Variants in PCBP3 observed in about 807,000 individuals in gnomAD.
PCBP3 encodes poly(rC)-binding protein 3.
Under a neutral mutation model 52.7 loss-of-function variants are expected in PCBP3, and 25 were observed. That is an observed-to-expected ratio of 0.47 (90% CI 0.35 to 0.66). The LOEUF (loss-of-function observed/expected upper bound fraction) is 0.66, where lower values mean the gene tolerates loss of function less well. Ranked by LOEUF, PCBP3 falls within the 30% of genes least tolerant of loss-of-function variation. PCBP3 has a pLI of 0.01. For synonymous variants in PCBP3, 162 were observed against 183.0 expected (o/e 0.89, Z 0.93); for missense variants, 391 against 490.3 (o/e 0.80, Z 1.91).
intron 1 of PCBP3, among the ~76,000 whole-genome samples, chr21:45,667,533 T>C (rs1427926242): frequency 6.6e-6 from 1 of 152,232 alleles, no homozygotes; most frequent in Non-Finnish European, 1.5e-5. Flanking sequence ...TTTATTTTTA[T>C]AATTTGTTTC....
Position 45,647,168 on chromosome 21 carries a change from T to C in PCBP3, c.-279+3300T>C, listed in dbSNP as rs1330672002. Among the ~76,000 whole-genome samples the C allele has an allele frequency of 2.0e-5, 3 of 152,256 alleles. 1 individual carries two copies. In the South Asian group the frequency reaches 6.2e-4, roughly 31 times the overall value. On this transcript the variant is annotated intron_variant, in intron 1 of 17. Coordinates refer to ENST00000681687, the MANE Select transcript of PCBP3 (RefSeq NM_001384156.1). ...TGGATTGTTGAGGTGCTTTTTGTTATGATCATCTGAACTGATTCTGTGGCC... is the reference window on the plus strand; with the variant it reads ...TGGATTGTTGAGGTGCTTTTTGTTACGATCATCTGAACTGATTCTGTGGCC...
At chr21:45,918,230 A>C (rs1248430775) in intron 13 of PCBP3, 2 of 157,360 alleles carry the variant, frequency 1.3e-5, no homozygotes, top group African/African-American at 4.8e-5. Context: ...GCTGGGTCCC[A>C]TGCAGCTCCA....
At chr21:45,653,570 A>G (rs374726723) in intron 1 of PCBP3, among the ~76,000 whole-genome samples, 7 of 152,156 alleles carry the variant, frequency 4.6e-5, no homozygotes, top group African/African-American at 1.7e-4. Flanking sequence ...TTAGGCTCAT[A>G]TTTACATACT....
In PCBP3 at chr21:45,736,472, T is replaced by C. The variant is rs963042643; in HGVS notation, c.-162+1043T>C. 6.6e-6 allele frequency among the ~76,000 whole-genome samples: 1 copy of C among 152,198 alleles called. No homozygotes were observed. The highest frequency in any genetic ancestry group is 1.5e-5 in the Non-Finnish European group (1 of 68,046). On this transcript the variant is annotated intron_variant, in intron 3 of 17. Coordinates refer to ENST00000681687, the MANE Select transcript of PCBP3 (RefSeq NM_001384156.1). The surrounding 1 kb of genome is among the most constrained non-coding windows in gnomAD (Gnocchi z 4.6). ...ACAGTGCATCCTGAGGAGACAGTGC[T>C]GCGGGCCCCGCCTACTAACTTCCAG...
chr21:45,739,737 G>C (rs1045680557), intron 3 of PCBP3, among the ~76,000 whole-genome samples: 1 of 148,814 alleles, frequency 6.7e-6, no homozygotes, highest in Non-Finnish European at 1.5e-5. Flanking sequence ...TTGTGCTCTG[G>C]GTGGACCCCC....
intron 2 of PCBP3, among the ~76,000 whole-genome samples, chr21:45,669,538 C>CT (rs571668982): frequency 8.1e-4 from 123 of 152,042 alleles, no homozygotes; most frequent in African/African-American, 2.9e-3. Context: ...CTCCAATACT[C>CT]TTTTCATCTT....
At chr21:45,689,965 A>G (rs933284821) in intron 2 of PCBP3, among the ~76,000 whole-genome samples, 2 of 152,160 alleles carry the variant, frequency 1.3e-5, no homozygotes, top group Non-Finnish European at 2.9e-5. Flanking sequence ...AGCTATCTCA[A>G]TCAAACTCTA....
intron 5 of PCBP3, among the ~76,000 whole-genome samples, chr21:45,881,030 G>A (rs954564470): frequency 6.6e-6 from 1 of 152,186 alleles, no homozygotes; most frequent in Admixed American, 6.5e-5. Flanking sequence ...TGGGCCAGCT[G>A]CGGGCCACAG....
At chr21:45,828,360 G>C (rs1439586021) in intron 4 of PCBP3, 1 of 152,194 alleles carries the variant, frequency 6.6e-6, no homozygotes, top group Non-Finnish European at 1.5e-5. Flanking sequence ...TTAATACGGT[G>C]AGTTACTCTC....
In PCBP3 at chr21:45,741,924, G is replaced by A. The variant is rs1046418557; in HGVS notation, c.-162+6495G>A. Reference sequence around the variant, plus strand: ...TGCCCAGTGCCCTGGGGGCGGTGGGGAAATTCCAGTCCAGACTGTCTGCCT... The same window carrying A: ...TGCCCAGTGCCCTGGGGGCGGTGGGAAAATTCCAGTCCAGACTGTCTGCCT... On this transcript the variant is annotated intron_variant, in intron 3 of 17. Transcript: ENST00000681687. This position sits in a 1 kb window ranked among gnomAD's most constrained non-coding sequence, Gnocchi z 4.5. Among the ~76,000 whole-genome samples the A allele has an allele frequency of 3.3e-5, 5 of 152,158 alleles. No homozygotes were observed. Among genetic ancestry groups the A allele is most frequent in the African/African-American group, 1.2e-4 (5 of 41,440 alleles).
chr21:45,809,785 T>TG (rs1201641491), intron 4 of PCBP3, among the ~76,000 whole-genome samples: 3 of 152,134 alleles, frequency 2.0e-5, no homozygotes, highest in Admixed American at 2.0e-4. Context: ...TGATGAGGTT[T>TG]GGGGGGCAGA....
intron 2 of PCBP3, among the ~76,000 whole-genome samples, chr21:45,720,691 C>CTTT (rs1284036716): frequency 6.6e-6 from 1 of 152,138 alleles, no homozygotes; most frequent in Non-Finnish European, 1.5e-5. Context: ...ACCTCTGTAC[C>CTTT]TTTACTCTTG....
chr21:45,662,832 C>T (rs1421316526), intron 1 of PCBP3, among the ~76,000 whole-genome samples: 2 of 152,072 alleles, frequency 1.3e-5, no homozygotes, highest in East Asian at 3.9e-4. Flanking sequence ...TGTCTGTTGC[C>T]AAGTGGACTG....
intron 2 of PCBP3, among the ~76,000 whole-genome samples, chr21:45,705,753 A>T (rs905697450): frequency 2.6e-5 from 4 of 151,950 alleles, no homozygotes; most frequent in African/African-American, 9.7e-5. Flanking sequence ...TCCCCCTCTC[A>T]GCCTTTTAAA....
Position 45,853,793 on chromosome 21 carries a change from T to A in PCBP3, c.10+3698T>A, listed in dbSNP as rs531766662. ...AATACACACATACTTTGCAAGAGCA[T>A]ATGTGAGTAAGAGTCAGGCACTCGG... On this transcript the variant is annotated intron_variant, in intron 5 of 17. Coordinates refer to ENST00000681687, the MANE Select transcript of PCBP3 (RefSeq NM_001384156.1). The surrounding 1 kb of genome is among the most constrained non-coding windows in gnomAD (Gnocchi z 4.6). 3.3e-5 allele frequency among the ~76,000 whole-genome samples: 5 copies of A among 152,210 alleles called. No individual in the cohort carries two copies. In the South Asian group the frequency reaches 1.0e-3, roughly 32 times the overall value.
chr21:45,711,632 A>T (rs1407312802), intron 2 of PCBP3, among the ~76,000 whole-genome samples: 1 of 152,076 alleles, frequency 6.6e-6, no homozygotes, highest in Non-Finnish European at 1.5e-5. Context: ...TTTTCCTTCA[A>T]CCTTAGAGAT....
rs1035060795 is a variant in PCBP3, at chr21:45,817,239, C to T, written c.-125-32722C>T. Among the ~76,000 whole-genome samples, 5 of 152,190 alleles carry T rather than the reference C, an allele frequency of 3.3e-5. No homozygotes were observed. The highest frequency in any genetic ancestry group is 1.2e-4 in the African/African-American group (5 of 41,440). ...TTCCTCTAGAACTTAACGTTGTCCT[C>T]CTCCTAAGGTGTAGCCTTTCATGGG... On this transcript the variant is annotated intron_variant, in intron 4 of 17. Coordinates refer to ENST00000681687, the MANE Select transcript of PCBP3 (RefSeq NM_001384156.1). This position sits in a 1 kb window ranked among gnomAD's most constrained non-coding sequence, Gnocchi z 4.3.
At chr21:45,914,243 G>C (rs1044245414) in intron 12 of PCBP3, 2 of 680,380 alleles carry the variant, frequency 2.9e-6, no homozygotes, top group Middle Eastern at 3.5e-4. Flanking sequence ...ACGGAATCAT[G>C]TTCTCCCTCC....
chr21:45,721,795 G>A (rs2084662346), intron 2 of PCBP3, among the ~76,000 whole-genome samples: 1 of 152,152 alleles, frequency 6.6e-6, no homozygotes, highest in Non-Finnish European at 1.5e-5. Context: ...TGAAGCAAAT[G>A]TATGTGCATT....
Sources: gnomAD v4.1 joint callset for allele counts (sites outside exome capture counted in the v4.1 genomes callset) on GRCh38, gnomAD v4.1.1 for gene constraint, Gnocchi (gnomAD v3.1) non-coding constraint, MANE v1.5 for transcripts, NCBI Gene and HGNC (gene_info 2026-07-23, HGNC 2026-07-21) for gene names.